Variants in DCC observed in about 807,000 individuals in gnomAD.
The protein encoded by DCC is netrin receptor DCC.
DCC carries 58 observed loss-of-function variants against 172.5 expected under a neutral mutation model. The observed-to-expected ratio is 0.34, with a 90% CI of 0.27 to 0.42. DCC has a LOEUF of 0.42. DCC is among the 10% of genes least tolerant of loss of function. The pLI, the probability that DCC is intolerant of heterozygous loss-of-function variation, is 1.00. For missense variants in DCC, 1,740 were observed against 1,791.0 expected (o/e 0.97, Z 0.51); for synonymous variants, 709 against 644.5 (o/e 1.10, Z -1.52).
intron 12 of DCC, among the ~76,000 whole-genome samples, chr18:53,269,865 C>A (rs1308064441): frequency 1.3e-5 from 2 of 152,138 alleles, no homozygotes; most frequent in African/African-American, 4.8e-5. Context: ...ATGAGTGTTT[C>A]CTAGAGGTGA....
chr18:52,683,962 C>A (rs999267522), intron 1 of DCC, among the ~76,000 whole-genome samples: 6 of 152,038 alleles, frequency 3.9e-5, no homozygotes, highest in Non-Finnish European at 8.8e-5. Context: ...TCTTAGGAAC[C>A]TCTAGTTTCC....
chr18:52,422,218 C>G (rs765297345), intron 1 of DCC, among the ~76,000 whole-genome samples: 1 of 152,138 alleles, frequency 6.6e-6, no homozygotes, highest in Non-Finnish European at 1.5e-5. Flanking sequence ...TTGATTTCAT[C>G]TGCTTAAGGC....
intron 27 of DCC, among the ~76,000 whole-genome samples, chr18:53,508,261 C>T (rs1235679557): frequency 5.3e-5 from 8 of 151,098 alleles, no homozygotes; most frequent in Non-Finnish European, 1.0e-4. Context: ...GGCTCAATCA[C>T]AGCTCACTGA....
Position 53,467,948 on chromosome 18 carries a change from C to T in DCC, c.3674C>T (p.Ala1225Val), listed in dbSNP as rs759042817. ...ATGTCCACTCTGGAGAGGTCGCTGG[C>T]TGCACGCCGAGCCCCCCGGGCCAAG... Reference protein sequence around the residue: ...SSMSTLERSLAARRAPRAKLM... With the variant: ...SSMSTLERSLVARRAPRAKLM... The change falls in exon 25 of 29, where the codon GCT becomes GTT. Residue 1225 changes from alanine to valine, a missense_variant. Physicochemically the swap from Ala to Val is moderately conservative, Grantham distance 64. This residue lies in a region of DCC where 1,732 missense variants were observed against 1,767.4 expected (regional missense o/e 0.98). Transcript: ENST00000442544. The T allele has an allele frequency of 7.4e-6, 12 of 1,613,216 alleles. No homozygotes were observed. Among genetic ancestry groups the T allele is most frequent in the Non-Finnish European group, 1.0e-5 (12 of 1,179,368 alleles).
At chr18:52,656,056 A>ATATGTGTGTG in intron 1 of DCC, among the ~76,000 whole-genome samples, 1 of 141,446 alleles carries the variant, frequency 7.1e-6, no homozygotes, top group Non-Finnish European at 1.5e-5. Flanking sequence ...ATATGTATAT[A>ATATGTGTGTG]TGTGTATATA....
At chr18:52,407,792 G>T (rs3862682) in intron 1 of DCC, among the ~76,000 whole-genome samples, 118,417 of 151,530 alleles carry the variant, frequency 0.78, 46,476 homozygotes, top group Middle Eastern at 0.82. Flanking sequence ...CTATTTCTAA[G>T]CTAGCAGTTT....
rs571651914 is a variant in DCC at position 53,368,120 on chromosome 18, A to G, written c.2360-17923A>G. Among the ~76,000 whole-genome samples the G allele has an allele frequency of 1.2e-3, 182 of 152,250 alleles. 1 individual carries two copies. Among genetic ancestry groups the G allele is most frequent in the Non-Finnish European group, 5.9e-4 (40 of 67,996 alleles). On this transcript the variant is annotated intron_variant, in intron 15 of 28. Coordinates refer to ENST00000442544, the MANE Select transcript of DCC (RefSeq NM_005215.4). ...TTTGTTTTTAGTGTTCCTCTTTTCA[A>G]TAGCAGCCATCCTGATAAGTATGAG...
At chr18:52,614,590 T>G (rs2034342350) in intron 1 of DCC, among the ~76,000 whole-genome samples, 1 of 152,192 alleles carries the variant, frequency 6.6e-6, no homozygotes, top group Non-Finnish European at 1.5e-5. Context: ...ACCCCAGCCT[T>G]ACATTCCTTA....
chr18:52,714,050 C>A (rs1025105666), intron 1 of DCC, among the ~76,000 whole-genome samples: 8 of 152,168 alleles, frequency 5.3e-5, no homozygotes, highest in Non-Finnish European at 8.8e-5. Context: ...CCTGGCACAG[C>A]CCTAAGTACT....
chr18:53,424,576 TCTTA>T (rs1291737455), intron 21 of DCC, among the ~76,000 whole-genome samples: 2 of 152,134 alleles, frequency 1.3e-5, no homozygotes, highest in Non-Finnish European at 2.9e-5. Context: ...AGAAAAGACT[TCTTA>T]AAACCTAAGA....
rs147730924 is a variant in DCC at position 52,986,835 on chromosome 18, T to TACACACAC, written c.985+61481_985+61488dup. On this transcript the variant is annotated intron_variant, in intron 5 of 28. Transcript: ENST00000442544. The stretch of plus-strand genomic sequence containing the variant: ...ATATATACACACACACACATATACA[T>TACACACAC]ACACACACACACACACACACACAAA... Among the ~76,000 whole-genome samples the TACACACAC allele has an allele frequency of 6.3e-3, 863 of 136,044 alleles. 3 individuals are homozygous for TACACACAC. The highest frequency in any genetic ancestry group is 0.012 in the Admixed American group (174 of 14,136). 89.3% of individuals were successfully genotyped at this position (136,044 alleles called of 152,430 possible).
intron 2 of DCC, among the ~76,000 whole-genome samples, chr18:52,803,974 C>T (rs575889830): frequency 8.5e-5 from 13 of 152,224 alleles, no homozygotes; most frequent in Non-Finnish European, 1.8e-4. Context: ...TCCTTGGGCA[C>T]CAGCATGGTG....
chr18:52,668,201 T>C (rs1456858294), intron 1 of DCC, among the ~76,000 whole-genome samples: 1 of 152,164 alleles, frequency 6.6e-6, no homozygotes, highest in Non-Finnish European at 1.5e-5. Flanking sequence ...GGTGACTTTT[T>C]GATGGTTTCA....
chr18:53,102,590 C>T (rs1260835313), intron 7 of DCC, among the ~76,000 whole-genome samples: 2 of 152,066 alleles, frequency 1.3e-5, no homozygotes, highest in South Asian at 2.1e-4. Context: ...GTCTGCTTAG[C>T]TGATTTTTGA....
intron 1 of DCC, among the ~76,000 whole-genome samples, chr18:52,556,649 C>T (rs1005757542): frequency 1.6e-4 from 24 of 152,164 alleles, no homozygotes; most frequent in African/African-American, 4.3e-4. Context: ...AGACATGTAA[C>T]GTATGTACTA....
chr18:52,476,148 A>G (rs10502946), intron 1 of DCC, among the ~76,000 whole-genome samples: 6,921 of 152,244 alleles, frequency 0.045, 202 homozygotes, highest in South Asian at 0.12. Flanking sequence ...TCTGTCCTCC[A>G]TGAGTTTCCA....
At chr18:53,453,559 G>C (rs753703255) in intron 23 of DCC, among the ~76,000 whole-genome samples, 1 of 152,010 alleles carries the variant, frequency 6.6e-6, no homozygotes, top group Non-Finnish European at 1.5e-5. Context: ...AAGTGTCTAT[G>C]CATTTAATAA....
intron 1 of DCC, among the ~76,000 whole-genome samples, chr18:52,586,722 C>T (rs576629797): frequency 2.4e-4 from 37 of 152,300 alleles, no homozygotes; most frequent in African/African-American, 8.9e-4. Context: ...ATGGGAGAAA[C>T]AGGACCATAT....
chr18:53,257,524 G>C lies in DCC; in HGVS notation c.1911+41927G>C, dbSNP rs2056535912. Among the ~76,000 whole-genome samples, 4 of 152,172 alleles carry C rather than the reference G, an allele frequency of 2.6e-5. 1 individual carries two copies. In the South Asian group the frequency reaches 8.3e-4, roughly 31 times the overall value. On this transcript the variant is annotated intron_variant, in intron 12 of 28. Coordinates refer to ENST00000442544, the MANE Select transcript of DCC (RefSeq NM_005215.4). The stretch of plus-strand genomic sequence containing the variant: ...TATGCTGGATTATGTTTATTGATTT[G>C]CGTGTGTTGAACCAGCCTTGCATCC...
Sources: gnomAD v4.1 joint callset for allele counts (sites outside exome capture counted in the v4.1 genomes callset) on GRCh38, gnomAD v4.1.1 for gene constraint, gnomAD v4.1.1 regional missense constraint, MANE v1.5 for transcripts, NCBI Gene and HGNC (gene_info 2026-07-23, HGNC 2026-07-21) for gene names.